Variants in NLGN1 observed in about 807,000 individuals in gnomAD.
The protein encoded by NLGN1 is neuroligin-1.
A neutral mutation model predicts 65.5 loss-of-function variants in NLGN1; 12 were observed. That is an observed-to-expected ratio of 0.18 (90% CI 0.12 to 0.30). The LOEUF (loss-of-function observed/expected upper bound fraction) is 0.30, where lower values mean the gene tolerates loss of function less well. Ranked by LOEUF, NLGN1 falls within the 10% of genes least tolerant of loss-of-function variation. The pLI is 1.00. For synonymous variants in NLGN1, 350 were observed against 359.5 expected, an observed-to-expected ratio of 0.97 and a Z score of 0.30; for missense variants, 750 against 1,007.1, an observed-to-expected ratio of 0.74 and a Z score of 3.46.
intron 4 of NLGN1, among the ~76,000 whole-genome samples, chr3:174,248,676 G>A (rs979747281): frequency 1.3e-5 from 2 of 152,138 alleles, no homozygotes; most frequent in African/African-American, 2.4e-5. Flanking sequence ...CACGAGAATC[G>A]CTTGAACTTA....
rs528152627 is a variant in NLGN1, at chr3:173,531,721, C to G, written c.-320-72558C>G. Among the ~76,000 whole-genome samples the G allele has an allele frequency of 1.3e-5, 2 of 152,202 alleles. 1 individual carries two copies. The highest frequency in any genetic ancestry group is 3.9e-4 in the East Asian group (2 of 5,178). ...ACCAATTATTTAAACATGTAATTCTCAACAGATCAAAGATTTCACCTTTGA... is the reference window on the plus strand; with the variant it reads ...ACCAATTATTTAAACATGTAATTCTGAACAGATCAAAGATTTCACCTTTGA... On this transcript the variant is annotated intron_variant, in intron 2 of 6. Coordinates refer to ENST00000457714, the Ensembl canonical transcript of NLGN1.
At chr3:173,677,438 T>G (rs2149767446) in intron 3 of NLGN1, among the ~76,000 whole-genome samples, 1 of 152,156 alleles carries the variant, frequency 6.6e-6, no homozygotes, top group Admixed American at 6.6e-5. Flanking sequence ...TTTTATTTAC[T>G]TTAATTTTTA....
intron 3 of NLGN1, among the ~76,000 whole-genome samples, chr3:173,641,205 G>A (rs1358739346): frequency 6.6e-6 from 1 of 152,068 alleles, no homozygotes; most frequent in Non-Finnish European, 1.5e-5. Context: ...TTTTGTTATA[G>A]TAAATTAATT....
intron 4 of NLGN1, among the ~76,000 whole-genome samples, chr3:173,875,978 C>T (rs1442618110): frequency 6.6e-6 from 1 of 151,978 alleles, no homozygotes; most frequent in African/African-American, 2.4e-5. Context: ...AAAAGCTTAA[C>T]ATGTGCCTTA....
chr3:173,753,944 A>AATAATATAATATAAT (rs151125850), intron 3 of NLGN1, among the ~76,000 whole-genome samples: 23,477 of 116,518 alleles, frequency 0.2, 2,096 homozygotes, highest in South Asian at 0.27. Context: ...ATAATATAAT[A>AATAATATAATATAAT]ATAATATAAT....
chr3:174,039,140 C>A (rs1189497468), intron 4 of NLGN1, among the ~76,000 whole-genome samples: 1 of 152,022 alleles, frequency 6.6e-6, no homozygotes, highest in East Asian at 1.9e-4. Context: ...AGAGAGACTC[C>A]CTTAGGAGTC....
chr3:173,822,686 G>A (rs759334627), intron 4 of NLGN1, among the ~76,000 whole-genome samples: 2 of 151,882 alleles, frequency 1.3e-5, no homozygotes, highest in African/African-American at 2.4e-5. Context: ...TTTCTGATCC[G>A]TTAATATAGG....
intron 4 of NLGN1, among the ~76,000 whole-genome samples, chr3:173,843,857 C>A (rs1006300887): frequency 3.3e-5 from 5 of 152,190 alleles, no homozygotes; most frequent in African/African-American, 1.2e-4. Context: ...TTTTGGGTAT[C>A]TTCTCAGCAA....
chr3:173,970,258 C>A (rs1209813387), intron 4 of NLGN1, among the ~76,000 whole-genome samples: 1 of 152,076 alleles, frequency 6.6e-6, no homozygotes, highest in African/African-American at 2.4e-5. Context: ...AACAAGTAAA[C>A]ATTAGTGAAG....
At chr3:173,906,894 AAAAG>A (rs1331364612) in intron 4 of NLGN1, among the ~76,000 whole-genome samples, 12 of 151,798 alleles carry the variant, frequency 7.9e-5, no homozygotes, top group East Asian at 3.9e-4. Flanking sequence ...AAAAAAAAAA[AAAAG>A]AAAGGGAAGT....
chr3:173,417,606 T>C (rs966959214), intron 1 of NLGN1, among the ~76,000 whole-genome samples: 1 of 150,536 alleles, frequency 6.6e-6, no homozygotes, highest in African/African-American at 2.5e-5. Context: ...TGCTTAATTA[T>C]CATACACCAC....
chr3:173,800,711 T>C (rs1446021160), intron 3 of NLGN1, among the ~76,000 whole-genome samples: 1 of 151,930 alleles, frequency 6.6e-6, no homozygotes, highest in East Asian at 1.9e-4. Context: ...CCATTTTGCA[T>C]GTTTTCTAAT....
intron 3 of NLGN1, among the ~76,000 whole-genome samples, chr3:173,726,195 G>T (rs2150030033): frequency 6.6e-6 from 1 of 151,744 alleles, no homozygotes; most frequent in South Asian, 2.1e-4. Context: ...CTTAGGGCAT[G>T]TTCTTCTGCT....
intron 4 of NLGN1, among the ~76,000 whole-genome samples, chr3:174,108,724 GACTGA>G (rs1714534238): frequency 6.6e-6 from 1 of 152,086 alleles, no homozygotes; most frequent in Non-Finnish European, 1.5e-5. Flanking sequence ...TTCTTGCTAA[GACTGA>G]GTGATGCAGG....
chr3:173,426,215 G>A (rs1716075541), intron 1 of NLGN1, among the ~76,000 whole-genome samples: 1 of 152,004 alleles, frequency 6.6e-6, no homozygotes. Flanking sequence ...TAGTTTGTTA[G>A]TTCTAACAGG....
chr3:174,209,966 C>T (rs1409602128), intron 4 of NLGN1, among the ~76,000 whole-genome samples: 1 of 152,056 alleles, frequency 6.6e-6, no homozygotes, highest in Non-Finnish European at 1.5e-5. Context: ...CTCTATCACC[C>T]TCATCCAAAC....
intron 4 of NLGN1, among the ~76,000 whole-genome samples, chr3:173,926,758 C>CT (rs1459861951): frequency 1.3e-5 from 2 of 152,202 alleles, no homozygotes; most frequent in Non-Finnish European, 2.9e-5. Context: ...TTTAGAAACT[C>CT]TGTTTGCGAG....
chr3:174,065,931 A>T (rs143481012), intron 4 of NLGN1, among the ~76,000 whole-genome samples: 137 of 152,240 alleles, frequency 9.0e-4, no homozygotes, highest in African/African-American at 3.1e-3. Context: ...GCCAACAATC[A>T]CATGAGTGAG....
chr3:174,058,040 T>C (rs1207856683), intron 4 of NLGN1, among the ~76,000 whole-genome samples: 2 of 152,108 alleles, frequency 1.3e-5, no homozygotes, highest in South Asian at 2.1e-4. Flanking sequence ...TTATTTGCAT[T>C]ATCAGTGAAG....
Sources: gnomAD v4.1 joint callset for allele counts (sites outside exome capture counted in the v4.1 genomes callset) on GRCh38, gnomAD v4.1.1 for gene constraint, MANE v1.5 for transcripts, NCBI Gene and HGNC (gene_info 2026-07-23, HGNC 2026-07-21) for gene names.